ATP2B3: variants seen among roughly 807,000 people sequenced by gnomAD.
The protein encoded by ATP2B3 is plasma membrane calcium-transporting ATPase 3.
Under a neutral mutation model 70.8 loss-of-function variants are expected in ATP2B3, and 12 were observed. The ratio of observed to expected loss-of-function variants is 0.17; its 90% CI spans 0.11 to 0.27. The LOEUF (loss-of-function observed/expected upper bound fraction) is 0.27, where lower values mean the gene tolerates loss of function less well. Among genes scored for constraint, ATP2B3 ranks in the 10% least tolerant of loss-of-function variants. The pLI is 1.00. For synonymous variants in ATP2B3, 460 were observed against 497.8 expected, an observed-to-expected ratio of 0.92 and a Z score of 1.01; for missense variants, 858 against 1,118.5, an observed-to-expected ratio of 0.77 and a Z score of 3.32.
chrX:153,533,014 A>G (rs1311320367), intron 2 of ATP2B3: 1 of 111,850 alleles, frequency 8.9e-6, no homozygotes, highest in Non-Finnish European at 1.9e-5. Flanking sequence ...TCATGAAGAC[A>G]GTGAGGGTTA....
intron 20 of ATP2B3, among the ~76,000 whole-genome samples, chrX:153,564,623 C>T (rs2090675087): frequency 8.9e-6 from 1 of 112,765 alleles, no homozygotes; most frequent in African/African-American, 3.2e-5. Flanking sequence ...AGCAAAATAC[C>T]ATAGACTGGG....
At chrX:153,546,570 C>A (rs1490685602) in intron 8 of ATP2B3, among the ~76,000 whole-genome samples, 1 of 113,297 alleles carries the variant, frequency 8.8e-6, no homozygotes, top group African/African-American at 3.2e-5. Context: ...GGGCCAGAGG[C>A]CCGGCTCTCC....
intron 12 of ATP2B3, among the ~76,000 whole-genome samples, chrX:153,552,719 T>C (rs1557011955): frequency 2.7e-5 from 3 of 112,438 alleles, no homozygotes; most frequent in Non-Finnish European, 5.6e-5. Flanking sequence ...CCCCCAGTTC[T>C]GGAGGCCGGA....
chrX:153,530,152 G>A (rs953551515), intron 2 of ATP2B3, among the ~76,000 whole-genome samples: 14 of 112,579 alleles, frequency 1.2e-4, no homozygotes, highest in Non-Finnish European at 1.9e-4. Context: ...ATTCTATGGC[G>A]GTGCTTGTTT....
At chrX:153,544,879 G>T (rs2090340690) in intron 7 of ATP2B3, among the ~76,000 whole-genome samples, 1 of 112,620 alleles carries the variant, frequency 8.9e-6, no homozygotes, top group Non-Finnish European at 1.9e-5. Context: ...AGGCCTCCCA[G>T]GGCCTGTGTG....
intron 2 of ATP2B3, among the ~76,000 whole-genome samples, chrX:153,521,429 A>T (rs1215067137): frequency 8.9e-5 from 10 of 112,994 alleles, no homozygotes; most frequent in African/African-American, 3.2e-4. Flanking sequence ...GTCCAAGGTC[A>T]CATGGCTGAG....
chrX:153,579,260 G>A (rs7889098), intron 21 of ATP2B3, among the ~76,000 whole-genome samples: 2,048 of 112,705 alleles, frequency 0.018, 34 homozygotes, highest in African/African-American at 0.061. Flanking sequence ...CAGAAAGAGG[G>A]ATGATCTTCT....
intron 1 of ATP2B3, among the ~76,000 whole-genome samples, 153 bp downstream of exon 1, chrX:153,518,028 G>T (rs1245398139): frequency 9.1e-6 from 1 of 110,494 alleles, no homozygotes; most frequent in African/African-American, 3.2e-5. Flanking sequence ...TGAGCCCCGC[G>T]CCGGGCCTGC....
At chrX:153,575,223 G>C (rs1284934906) in intron 21 of ATP2B3, among the ~76,000 whole-genome samples, 1 of 112,909 alleles carries the variant, frequency 8.9e-6, no homozygotes, top group Non-Finnish European at 1.9e-5. Flanking sequence ...GTGCAAAGCC[G>C]TGTGGGCCCC....
At position 153,543,092 on chromosome X, in the gene ATP2B3, C is replaced by A. The variant is rs891779101; in HGVS notation, c.840C>A (p.Gly280=). ...GSGRMVVTAV[G]VNSQTGIIFT... ...GAAGAATGGTGGTGACCGCCGTTGG[C>A]GTGAATTCCCAGACAGGCATCATCT... Residue 280 remains glycine (G), a synonymous_variant, in exon 7 of 22, where the codon GGC becomes GGA. Transcript: ENST00000263519. 7 of 1,211,942 alleles carry A rather than the reference C, an allele frequency of 5.8e-6. No individual in the cohort carries two copies. The highest frequency in any genetic ancestry group is 7.8e-6 in the Non-Finnish European group (7 of 895,354).
rs782539186 is a variant in ATP2B3, at chrX:153,562,131, G to T, written c.3052-4G>T. On this transcript the variant is annotated splice_region_variant and splice_polypyrimidine_tract_variant and intron_variant, in intron 19 of 21. Coordinates refer to ENST00000263519, the MANE Select transcript of ATP2B3 (RefSeq NM_001001344.3). ...CCTGCCTCTCTCCCACTTGCCCTTC[G>T]CAGATTGTCATCGTCCAGTTTGGCG... is the stretch of plus-strand genomic sequence containing the variant. The T allele has an allele frequency of 9.1e-6, 11 of 1,208,814 alleles. No homozygotes were observed. The highest frequency in any genetic ancestry group is 1.8e-5 in the South Asian group (1 of 56,878).
At chrX:153,567,448 T>TG (rs2090724616) in intron 21 of ATP2B3, among the ~76,000 whole-genome samples, 1 of 112,389 alleles carries the variant, frequency 8.9e-6, no homozygotes. Flanking sequence ...AAGCCTGGGG[T>TG]GGGGGGTGAG....
intron 16 of ATP2B3, among the ~76,000 whole-genome samples, chrX:153,557,433 G>A (rs1209203400): frequency 1.8e-5 from 2 of 112,277 alleles, no homozygotes; most frequent in African/African-American, 3.2e-5. Flanking sequence ...CCCTGCAGAC[G>A]CCACCCACAT....
At chrX:153,552,415 G>A (rs1557011848) in intron 12 of ATP2B3, among the ~76,000 whole-genome samples, 1 of 112,191 alleles carries the variant, frequency 8.9e-6, no homozygotes, top group African/African-American at 3.2e-5. Flanking sequence ...CACCATGCCC[G>A]CCTCTGTGAC....
At chrX:153,536,069 C>T (rs2090186325) in intron 2 of ATP2B3, 53 bp from the exon 3 acceptor site, 3 of 486,719 alleles carry the variant, frequency 6.2e-6, no homozygotes, top group Admixed American at 3.2e-5. Flanking sequence ...AAGATGGGAC[C>T]TCAGTTTTGT....
At chrX:153,561,959 G>A (rs893938751) in intron 19 of ATP2B3, among the ~76,000 whole-genome samples, 176 bp from the exon 20 acceptor site, 1 of 112,623 alleles carries the variant, frequency 8.9e-6, no homozygotes, top group Non-Finnish European at 1.9e-5. Flanking sequence ...ACCCAGGGGC[G>A]CTGGGGGCCA....
At chrX:153,527,765 G>A (rs1425497913) in intron 2 of ATP2B3, among the ~76,000 whole-genome samples, 1 of 112,677 alleles carries the variant, frequency 8.9e-6, no homozygotes, top group Non-Finnish European at 1.9e-5. Context: ...TGACTTCACC[G>A]GTCGAGCTTG....
intron 21 of ATP2B3, among the ~76,000 whole-genome samples, chrX:153,567,174 G>C (rs782791802): frequency 4.4e-4 from 50 of 113,511 alleles, no homozygotes; most frequent in African/African-American, 1.6e-3. Flanking sequence ...CCCCTCCCAC[G>C]TGCAGGGGCT....
At position 153,536,193 on chromosome X, in the gene ATP2B3, G is replaced by A. The variant is rs1403837096; in HGVS notation, c.-55G>A. The A allele has an allele frequency of 8.6e-7, 1 of 1,156,221 alleles. No homozygotes were observed. The highest frequency in any genetic ancestry group is 1.8e-5 in the African/African-American group (1 of 56,034). On this transcript the variant is annotated 5_prime_UTR_variant, in exon 3 of 22. Coordinates refer to ENST00000263519, the MANE Select transcript of ATP2B3 (RefSeq NM_001001344.3). Reference sequence around the variant, plus strand: ...GCACTGGGACCGTGGGTGGCCGCCTGTCCCTAGCTGTGGCTGAGCCAAGAT... The same window carrying A: ...GCACTGGGACCGTGGGTGGCCGCCTATCCCTAGCTGTGGCTGAGCCAAGAT...
Sources: allele counts gnomAD v4.1 joint callset (sites outside exome capture counted in the v4.1 genomes callset), GRCh38; gene constraint gnomAD v4.1.1; transcripts MANE v1.5; gene names NCBI Gene and HGNC (gene_info 2026-07-23, HGNC 2026-07-21).